The following ATP5MF variants were observed in gnomAD, a reference collection of about 807,000 sequenced individuals.
The protein encoded by ATP5MF is ATP synthase membrane subunit f.
ATP5MF carries 10 observed loss-of-function variants against 13.8 expected under a neutral mutation model. That is an observed-to-expected ratio of 0.72 (90% CI 0.45 to 1.23). The LOEUF is 1.23. Among genes scored for constraint, ATP5MF ranks in the 50% most tolerant of loss-of-function variants. The probability of loss-of-function intolerance (pLI) is 0.00; values close to 1 mark genes in which losing one functional copy is unlikely to be tolerated. For synonymous variants in ATP5MF, 40 were observed against 45.8 expected (o/e 0.87, Z 0.51); for missense variants, 122 against 118.2 (o/e 1.03, Z -0.15).
intron 1 of ATP5MF, 127 bp from the exon 2 acceptor site, chr7:99,460,320 TACAC>T: frequency 1.0e-6 from 1 of 1,003,246 alleles, no homozygotes. Flanking sequence ...AGGCTGCACA[TACAC>T]AATATTATGA....
At chr7:99,460,516 C>A in intron 1 of ATP5MF, 1 of 577,068 alleles carries the variant, frequency 1.7e-6, no homozygotes, top group Non-Finnish European at 3.3e-6. Flanking sequence ...GCAAAGCTAA[C>A]ATTTACTTGA....
chr7:99,466,070 C>T (rs749396321), intron 1 of ATP5MF, 41 bp downstream of exon 1: 45 of 1,613,860 alleles, frequency 2.8e-5, no homozygotes, highest in Admixed American at 5.0e-5. Flanking sequence ...GGACCCTGGA[C>T]CCTGGCTCCT....
chr7:99,463,571 T>A (rs1159371991), intron 1 of ATP5MF, among the ~76,000 whole-genome samples: 1 of 151,540 alleles, frequency 6.6e-6, no homozygotes, highest in African/African-American at 2.4e-5. Context: ...AGCTCAGGAG[T>A]CTGAGACCAG....
At chr7:99,462,225 G>A (rs1798638398) in intron 1 of ATP5MF, among the ~76,000 whole-genome samples, 1 of 146,774 alleles carries the variant, frequency 6.8e-6, no homozygotes, top group Admixed American at 6.8e-5. Context: ...AGCTGAGGCG[G>A]GAAGATCCTG....
intron 1 of ATP5MF, among the ~76,000 whole-genome samples, chr7:99,463,314 A>G (rs750060422): frequency 1.3e-4 from 20 of 152,230 alleles, no homozygotes; most frequent in Admixed American, 3.3e-4. Flanking sequence ...CAGGCCACAT[A>G]AGGTCTTCAT....
rs899871805 is a variant in ATP5MF at position 99,458,465 on chromosome 7, G to C, written c.257-110C>G. 5.9e-6 allele frequency: 7 copies of C among 1,195,306 alleles called. No individual in the cohort carries two copies. The African/African-American group carries it at 7.6e-5, about 13-fold the overall frequency. The allele number at this position is 1,195,306 out of a possible 1,614,324, so 74.0% of individuals were successfully genotyped here. A position where few individuals can be genotyped will look rare whatever the true frequency, so the allele number is the denominator to read the frequency against. Reference sequence around the variant, plus strand: ...AAAGCCTTCCTGAGAATTCCCTTCAGAGATGACCCATGACCCGCCTGCCGG... The same window carrying C: ...AAAGCCTTCCTGAGAATTCCCTTCACAGATGACCCATGACCCGCCTGCCGG... On this transcript the variant is annotated intron_variant, in intron 3 of 3. Coordinates refer to ENST00000292475, the MANE Select transcript of ATP5MF (RefSeq NM_004889.5).
chr7:99,458,309 G>T lies in ATP5MF; in HGVS notation c.*18C>A, dbSNP rs372653618. The T allele has an allele frequency of 1.9e-6, 3 of 1,609,000 alleles. No homozygotes were observed. The highest frequency in any genetic ancestry group is 1.7e-5 in the Admixed American group (1 of 59,226). On this transcript the variant is annotated 3_prime_UTR_variant, in exon 4 of 4. Transcript: ENST00000292475. ...CGGGCCAAGGTCGTGGGGTGGGGGG[G>T]TGCAGAGTGTGTCCTCTTCAGTGGT... is the stretch of plus-strand genomic sequence containing the variant.
rs544884536 is a variant in ATP5MF, at chr7:99,460,589, G to C, written c.32-396C>G. Reference sequence around the variant, plus strand: ...ATGTCTTTACCTTAAAGGAGGGGAGGGGGGATAGACTCAGAGAGGTTGGGC... The same window carrying C: ...ATGTCTTTACCTTAAAGGAGGGGAGCGGGGATAGACTCAGAGAGGTTGGGC... On this transcript the variant is annotated intron_variant, in intron 1 of 3. Coordinates refer to ENST00000292475, the MANE Select transcript of ATP5MF (RefSeq NM_004889.5). 3 of 495,766 alleles carry C rather than the reference G, an allele frequency of 6.1e-6. No homozygotes were observed. In the Admixed American group the frequency reaches 6.3e-5, roughly 10 times the overall value. The allele number at this position is 495,766 out of a possible 1,614,324, so 30.7% of individuals were successfully genotyped here. A position where few individuals can be genotyped will look rare whatever the true frequency, so the allele number is the denominator to read the frequency against.
chr7:99,463,376 C>CA (rs1251364691), intron 1 of ATP5MF, among the ~76,000 whole-genome samples: 3 of 152,094 alleles, frequency 2.0e-5, no homozygotes, highest in Admixed American at 6.6e-5. Context: ...GAAAATGACC[C>CA]AATGCAGTGG....
At chr7:99,461,394 C>T (rs1395396882) in intron 1 of ATP5MF, among the ~76,000 whole-genome samples, 1 of 151,868 alleles carries the variant, frequency 6.6e-6, no homozygotes, top group African/African-American at 2.4e-5. Context: ...TTTTAAAAAG[C>T]TTTTAGCAGA....
rs373650623 is a variant in ATP5MF at position 99,458,323 on chromosome 7, C to T, written c.*4G>A. 22 of 1,609,742 alleles carry T rather than the reference C, an allele frequency of 1.4e-5. No homozygotes were observed. The highest frequency in any genetic ancestry group is 1.2e-4 in the South Asian group (11 of 89,742). On this transcript the variant is annotated 3_prime_UTR_variant, in exon 4 of 4. Transcript: ENST00000292475. ...GGGGTGGGGGGGTGCAGAGTGTGTC[C>T]TCTTCAGTGGTATTTGCGGAGCCGC...
intron 1 of ATP5MF, among the ~76,000 whole-genome samples, chr7:99,463,783 T>A (rs1011134275): frequency 1.3e-5 from 2 of 151,720 alleles, no homozygotes; most frequent in African/African-American, 2.4e-5. Flanking sequence ...TCTCAAAAAA[T>A]AAATAAATAA....
intron 1 of ATP5MF, among the ~76,000 whole-genome samples, chr7:99,465,881 C>G (rs1798849569): frequency 6.6e-6 from 1 of 152,238 alleles, no homozygotes; most frequent in Non-Finnish European, 1.5e-5. Context: ...GGCCCAGAAG[C>G]GCGTGCCCCA....
intron 3 of ATP5MF, 139 bp from the exon 4 acceptor site, chr7:99,458,494 C>G (rs1217472191): frequency 4.6e-6 from 4 of 865,486 alleles, no homozygotes; most frequent in East Asian, 5.7e-5. Context: ...CTGCCGGTGT[C>G]TCTGCAGAAT....
At position 99,466,151 on chromosome 7, in the gene ATP5MF, C is replaced by T. The variant is rs1353262825; in HGVS notation, c.-10G>A. 1.2e-6 allele frequency: 2 copies of T among 1,614,200 alleles called. No homozygotes were observed. The highest frequency in any genetic ancestry group is 4.5e-5 in the East Asian group (2 of 44,888). ...CACCAACTGACGCCATTTTGGAGTC[C>T]TGGTGTCCGCTGTGCCGGACCGCGC... is the stretch of plus-strand genomic sequence containing the variant. On this transcript the variant is annotated 5_prime_UTR_variant, in exon 1 of 4. Transcript: ENST00000292475.
rs1409680377 is a variant in ATP5MF, at chr7:99,460,186, C to T, written c.39G>A (p.Val13=). The T allele has an allele frequency of 1.2e-6, 2 of 1,614,036 alleles. No individual in the cohort carries two copies. Among genetic ancestry groups the T allele is most frequent in the African/African-American group, 2.7e-5 (2 of 74,928 alleles). ...TGACCTCCAGAAGTTTCTTGTCCTT[C>T]ACTGGTACTGAAACGGAAGAGTGAG... ...SVGECPAPVP[V]KDKKLLEVKL... Residue 13 remains valine (V), a synonymous_variant, in exon 2 of 4, where the codon GTG becomes GTA. Coordinates refer to ENST00000292475, the MANE Select transcript of ATP5MF (RefSeq NM_004889.5).
At position 99,459,185 on chromosome 7, in the gene ATP5MF, T is replaced by C. The variant is rs751859589; in HGVS notation, c.218A>G (p.Tyr73Cys). The C allele has an allele frequency of 5.6e-6, 9 of 1,614,128 alleles. No individual in the cohort carries two copies. Among genetic ancestry groups the C allele is most frequent in the Non-Finnish European group, 7.6e-6 (9 of 1,180,000 alleles). The change falls in exon 3 of 4, where the codon TAC becomes TGC. Residue 73 changes from tyrosine to cysteine, a missense_variant. Transcript: ENST00000292475. Reference sequence around the variant, plus strand: ...GGAAAAGGAGTAGCTAAAGAGCACGTAGCATGCCAGCACCATGGTAATCCC... The same window carrying C: ...GGAAAAGGAGTAGCTAAAGAGCACGCAGCATGCCAGCACCATGGTAATCCC... The part of the protein sequence containing the change: ...ISGITMVLAC[Y>C]VLFSYSFSYK...
Position 99,466,092 on chromosome 7 carries a change from G to A in ATP5MF, c.31+19C>T. 1 of 1,614,074 alleles carries A rather than the reference G, an allele frequency of 6.2e-7. No individual in the cohort carries two copies. The highest frequency in any genetic ancestry group is 8.5e-7 in the Non-Finnish European group (1 of 1,179,974). ...GGACCCTGGCTCCTGCTTCCACCAC[G>A]GAGTCCAAACAGCCTTACCTGGGGC... On this transcript the variant is annotated intron_variant, in intron 1 of 3. Transcript: ENST00000292475.
intron 1 of ATP5MF, among the ~76,000 whole-genome samples, chr7:99,464,927 T>TA (rs1798788527): frequency 6.6e-6 from 1 of 151,792 alleles, no homozygotes. Flanking sequence ...GATCAGCTAC[T>TA]GCACTCTAGC....
Sources: gnomAD v4.1 joint callset for allele counts (sites outside exome capture counted in the v4.1 genomes callset) on GRCh38, gnomAD v4.1.1 for gene constraint, MANE v1.5 for transcripts, NCBI Gene and HGNC (gene_info 2026-07-23, HGNC 2026-07-21) for gene names.